The following PTPRT variants were observed in gnomAD, a reference collection of about 807,000 sequenced individuals.
PTPRT encodes the protein protein tyrosine phosphatase receptor type T, also known as receptor-type tyrosine-protein phosphatase T.
Under a neutral mutation model 176.8 loss-of-function variants are expected in PTPRT, and 56 were observed. The observed-to-expected ratio is 0.32, with a 90% confidence interval of 0.26 to 0.40. The LOEUF is 0.40. Ranked by LOEUF, PTPRT falls within the 10% of genes least tolerant of loss-of-function variation. The pLI is 1.00. For missense variants in PTPRT, 1,540 were observed against 1,908.2 expected (o/e 0.81, Z 3.60); for synonymous variants, 783 against 739.0 (o/e 1.06, Z -0.96).
chr20:43,145,691 T>G (rs2014148216), intron 1 of PTPRT, among the ~76,000 whole-genome samples: 1 of 152,234 alleles, frequency 6.6e-6, no homozygotes, highest in African/African-American at 2.4e-5. Context: ...CACCAGGATC[T>G]GGGACCAGAT....
the PTPRT span, among the ~76,000 whole-genome samples, chr20:42,040,191 A>G: frequency 6.6e-6 from 1 of 152,088 alleles, no homozygotes; most frequent in Non-Finnish European, 1.5e-5. Context: ...TAATTAGTGC[A>G]CAGTGCTTCA....
intron 2 of PTPRT, among the ~76,000 whole-genome samples, chr20:42,870,037 A>G (rs775773493): frequency 6.6e-6 from 1 of 152,170 alleles, no homozygotes; most frequent in African/African-American, 2.4e-5. Flanking sequence ...TGGTGCCTTA[A>G]TCTTGGACTT....
chr20:42,226,134 G>A (rs1006947992), intron 15 of PTPRT, among the ~76,000 whole-genome samples: 3 of 152,122 alleles, frequency 2.0e-5, no homozygotes, highest in Admixed American at 1.3e-4. Context: ...TTATTAACAC[G>A]TTCAAGTTCC....
At chr20:42,868,771 G>A (rs2078794339) in intron 2 of PTPRT, among the ~76,000 whole-genome samples, 1 of 152,176 alleles carries the variant, frequency 6.6e-6, no homozygotes, top group Admixed American at 6.5e-5. Flanking sequence ...CTCTAAAGTT[G>A]TCACTCTCAT....
chr20:42,544,019 C>T (rs12106102), intron 7 of PTPRT, among the ~76,000 whole-genome samples: 20,757 of 152,050 alleles, frequency 0.14, 1,625 homozygotes, highest in African/African-American at 0.21. Context: ...GTAGATTTAG[C>T]GTAGTGTTTA....
At chr20:42,925,646 T>A (rs2145961939) in intron 1 of PTPRT, among the ~76,000 whole-genome samples, 1 of 152,284 alleles carries the variant, frequency 6.6e-6, no homozygotes, top group South Asian at 2.1e-4. Flanking sequence ...TTTCAAGACT[T>A]GAGGGTGAAT....
intron 9 of PTPRT, among the ~76,000 whole-genome samples, chr20:42,354,031 G>A (rs938877101): frequency 6.6e-6 from 1 of 151,972 alleles, no homozygotes; most frequent in African/African-American, 2.4e-5. Flanking sequence ...TTTAGCCTGG[G>A]TGAGAGAGAG....
intron 14 of PTPRT, among the ~76,000 whole-genome samples, chr20:42,240,683 C>T (rs747995992): frequency 8.0e-6 from 1 of 124,600 alleles, no homozygotes; most frequent in Non-Finnish European, 1.8e-5. Flanking sequence ...CCTATCCATG[C>T]ATTCATGCAT....
intron 6 of PTPRT, among the ~76,000 whole-genome samples, chr20:42,700,189 A>C (rs1316303737): frequency 1.3e-5 from 2 of 152,196 alleles, no homozygotes; most frequent in African/African-American, 4.8e-5. Context: ...ACAAAACGAA[A>C]CACAAACCTC....
Position 42,315,740 on chromosome 20 carries a change from G to T in PTPRT, c.2122C>A (p.Leu708Ile), listed in dbSNP as rs750997059. ...LKSYSIYFQA[L>I]SKANGETKIN... ...ATACTTACTCCATTGGCTTTGCTGA[G>T]TGCCTGGAAGTAGATGCTGTAGCTT... is the stretch of plus-strand genomic sequence containing the variant. Residue 708 changes from leucine to isoleucine, a missense_variant, in exon 12 of 31, where the codon CTC becomes ATC. Coordinates refer to ENST00000373187, the MANE Select transcript of PTPRT (RefSeq NM_007050.6). 1.9e-6 allele frequency: 3 copies of T among 1,614,080 alleles called. No individual in the cohort carries two copies. The highest frequency in any genetic ancestry group is 4.5e-5 in the East Asian group (2 of 44,872).
At chr20:42,880,161 G>A in intron 2 of PTPRT, among the ~76,000 whole-genome samples, 1 of 152,082 alleles carries the variant, frequency 6.6e-6, no homozygotes, top group Non-Finnish European at 1.5e-5. Flanking sequence ...CTGTGACAAT[G>A]GCTCCTAGCC....
intron 9 of PTPRT, among the ~76,000 whole-genome samples, chr20:42,439,050 T>C (rs1390486742): frequency 6.6e-6 from 1 of 152,212 alleles, no homozygotes; most frequent in South Asian, 2.1e-4. Context: ...CTGTTGCTAC[T>C]GAAACACCTG....
At chr20:42,260,628 C>T (rs1481951771) in intron 13 of PTPRT, among the ~76,000 whole-genome samples, 3 of 152,086 alleles carry the variant, frequency 2.0e-5, no homozygotes, top group Admixed American at 6.5e-5. Context: ...CAAGGAGAGG[C>T]TTCTCAGGAG....
chr20:42,156,634 C>T (rs1298996263), intron 17 of PTPRT, among the ~76,000 whole-genome samples: 1 of 152,236 alleles, frequency 6.6e-6, no homozygotes, highest in Non-Finnish European at 1.5e-5. Flanking sequence ...CTCTGCTTTA[C>T]TTGAGCATCC....
chr20:42,335,217 C>A (rs944158590), intron 11 of PTPRT, among the ~76,000 whole-genome samples: 1 of 152,124 alleles, frequency 6.6e-6, no homozygotes, highest in African/African-American at 2.4e-5. Flanking sequence ...AAAGTCTGTA[C>A]ACAAAACCAT....
At chr20:42,670,337 A>T (rs2075391689) in intron 7 of PTPRT, among the ~76,000 whole-genome samples, 1 of 152,194 alleles carries the variant, frequency 6.6e-6, no homozygotes, top group Admixed American at 6.5e-5. Context: ...AAATAAATTG[A>T]GTCACAGAGA....
At chr20:42,357,557 A>G (rs1318016871) in intron 9 of PTPRT, among the ~76,000 whole-genome samples, 1 of 151,742 alleles carries the variant, frequency 6.6e-6, no homozygotes, top group Non-Finnish European at 1.5e-5. Context: ...CCATTTCTTT[A>G]CTCCTGGAAG....
intron 15 of PTPRT, among the ~76,000 whole-genome samples, chr20:42,206,571 C>A (rs1011195189): frequency 1.3e-5 from 2 of 152,222 alleles, no homozygotes; most frequent in Non-Finnish European, 2.9e-5. Context: ...TGCGCATTTC[C>A]GACGGGCTTA....
rs568446551 is a variant in PTPRT, at chr20:42,708,682, C to G, written c.860-30523G>C. Among the ~76,000 whole-genome samples, 9 of 152,296 alleles carry G rather than the reference C, an allele frequency of 5.9e-5. 1 individual carries two copies. The South Asian group carries it at 1.2e-3, about 21-fold the overall frequency. ...ATAGCTACCTCCTAAGTGGCTTGAA[C>G]AAGTTGCTTAACATTCTGTGGCCTC... On this transcript the variant is annotated intron_variant, in intron 6 of 30. Coordinates refer to ENST00000373187, the MANE Select transcript of PTPRT (RefSeq NM_007050.6).
Sources: gnomAD v4.1 joint callset for allele counts (sites outside exome capture counted in the v4.1 genomes callset) on GRCh38, gnomAD v4.1.1 for gene constraint, MANE v1.5 for transcripts, NCBI Gene and HGNC (gene_info 2026-07-23, HGNC 2026-07-21) for gene names.